Variants in RFX4 observed in about 807,000 individuals in gnomAD.
The protein encoded by RFX4 is transcription factor RFX4.
A neutral mutation model predicts 95.0 loss-of-function variants in RFX4; 10 were observed. The observed-to-expected ratio is 0.11, with a 90% CI of 0.06 to 0.18. RFX4 has a LOEUF of 0.18. Ranked by LOEUF, RFX4 falls within the 10% of genes least tolerant of loss-of-function variation. RFX4 has a pLI of 1.00. For synonymous variants in RFX4, 321 were observed against 340.7 expected (o/e 0.94, Z 0.64); for missense variants, 640 against 922.0 (o/e 0.69, Z 3.96).
Position 106,608,863 on chromosome 12 carries a change from G to A in RFX4, c.110G>A (p.Gly37Glu). Reference protein sequence around the residue: ...NKRYSSHTSLGNVSNDENEEK... With the variant: ...NKRYSSHTSLENVSNDENEEK... ...CGTTATTCCAGCCACACATCTCTGG[G>A]GAATGTTTCTAATGATGAAAGTAAG... is the stretch of plus-strand genomic sequence containing the variant. The change falls in exon 2 of 18, where the codon GGG becomes GAG. Residue 37 changes from glycine to glutamate, a missense_variant. Transcript: ENST00000392842. 6.2e-7 allele frequency: 1 copy of A among 1,612,086 alleles called. No homozygotes were observed. Among genetic ancestry groups the A allele is most frequent in the East Asian group, 2.2e-5 (1 of 44,822 alleles).
At chr12:106,748,888 C>A (rs1221428745) in intron 16 of RFX4, among the ~76,000 whole-genome samples, 1 of 152,094 alleles carries the variant, frequency 6.6e-6, no homozygotes, top group African/African-American at 2.4e-5. Context: ...AGATCGAAAT[C>A]ATCCTGGCGA....
intron 17 of RFX4, 120 bp downstream of exon 17, chr12:106,750,913 G>C (rs949290608): frequency 3.8e-6 from 3 of 781,168 alleles, no homozygotes; most frequent in Non-Finnish European, 5.3e-6. Flanking sequence ...CCCAAGGAGA[G>C]GACAGTCTTT....
chr12:106,682,195 T>C (rs1565977098), intron 5 of RFX4, 141 bp downstream of exon 5: 2 of 808,126 alleles, frequency 2.5e-6, no homozygotes, highest in African/African-American at 3.4e-5. Flanking sequence ...AAGAGCTTTA[T>C]GACGGCCAGG....
chr12:106,645,089 G>T (rs1237111178), intron 3 of RFX4, among the ~76,000 whole-genome samples: 1 of 151,010 alleles, frequency 6.6e-6, no homozygotes, highest in African/African-American at 2.4e-5. Flanking sequence ...TAATACAGCA[G>T]CCAAGCAGCC....
In RFX4 at chr12:106,606,204, A is replaced by C. The variant is rs144413604; in HGVS notation, c.44-2593A>C. On this transcript the variant is annotated intron_variant, in intron 1 of 17. Coordinates refer to ENST00000392842, the MANE Select transcript of RFX4 (RefSeq NM_213594.3). ...TATCAGGCCTGAATCCAGTGCAGGC[A>C]AATGGGTGAGAGGGAGAGTGTTTCC... Among the ~76,000 whole-genome samples the C allele has an allele frequency of 3.0e-3, 459 of 152,300 alleles. 1 individual carries two copies. The highest frequency in any genetic ancestry group is 0.01 in the African/African-American group (436 of 41,562).
rs559369362 is a variant in RFX4 at position 106,634,200 on chromosome 12, C to T, written c.131-5132C>T. ...CATTACTTTTGTGAATATAAAGCAACGTTATTTTTTAAAAACCTCAACCAT... is the reference window on the plus strand; with the variant it reads ...CATTACTTTTGTGAATATAAAGCAATGTTATTTTTTAAAAACCTCAACCAT... On this transcript the variant is annotated intron_variant, in intron 2 of 17. Transcript: ENST00000392842. 4.0e-4 allele frequency among the ~76,000 whole-genome samples: 61 copies of T among 152,234 alleles called. 2 individuals are homozygous for T. The South Asian group carries it at 0.011, about 28-fold the overall frequency.
intron 2 of RFX4, among the ~76,000 whole-genome samples, chr12:106,622,624 T>C (rs866979523): frequency 0.052 from 3,959 of 75,462 alleles, 147 homozygotes; most frequent in African/African-American, 0.2. Context: ...CAAGCTGCAT[T>C]TTTTTTTTTT....
intron 13 of RFX4, among the ~76,000 whole-genome samples, chr12:106,722,297 C>T (rs2042411056): frequency 6.6e-6 from 1 of 152,194 alleles, no homozygotes; most frequent in Admixed American, 6.5e-5. Flanking sequence ...TATCCACATC[C>T]ACACAGCGAG....
chr12:106,676,535 A>G (rs1415225910), intron 4 of RFX4, among the ~76,000 whole-genome samples: 1 of 152,208 alleles, frequency 6.6e-6, no homozygotes, highest in Non-Finnish European at 1.5e-5. Context: ...TTATGCAAAT[A>G]ATGATTTTTG....
chr12:106,741,591 C>T (rs187205576), intron 15 of RFX4, among the ~76,000 whole-genome samples: 4 of 152,196 alleles, frequency 2.6e-5, no homozygotes, highest in Admixed American at 6.5e-5. Flanking sequence ...TCAATAGCCA[C>T]GAGTGGCTAT....
chr12:106,632,124 C>T (rs993381439), intron 2 of RFX4, among the ~76,000 whole-genome samples: 11 of 152,112 alleles, frequency 7.2e-5, no homozygotes, highest in Non-Finnish European at 7.3e-5. Flanking sequence ...AAATTTGGCC[C>T]CAGAGTTTAT....
At chr12:106,589,878 T>C (rs979020305) in intron 1 of RFX4, among the ~76,000 whole-genome samples, 21 of 152,210 alleles carry the variant, frequency 1.4e-4, no homozygotes, top group Non-Finnish European at 2.5e-4. Flanking sequence ...ATCACAGCGG[T>C]TGAGTAGAGA....
rs896494167 is a variant in RFX4, at chr12:106,712,325, G to T, written c.993+814G>T. Among the ~76,000 whole-genome samples the T allele has an allele frequency of 1.7e-4, 26 of 152,302 alleles. 1 individual carries two copies. Among genetic ancestry groups the T allele is most frequent in the African/African-American group, 6.0e-4 (25 of 41,570 alleles). ...TTCAAGGGCTGACAACTTGCTCCCAGAGTCCCATTTCCCCAGGGCAGCTGT... is the reference window on the plus strand; with the variant it reads ...TTCAAGGGCTGACAACTTGCTCCCATAGTCCCATTTCCCCAGGGCAGCTGT... On this transcript the variant is annotated intron_variant, in intron 10 of 17. Transcript: ENST00000392842.
chr12:106,654,965 G>A (rs1565966345), intron 4 of RFX4, among the ~76,000 whole-genome samples: 1 of 152,152 alleles, frequency 6.6e-6, no homozygotes, highest in African/African-American at 2.4e-5. Context: ...CCCAATTTGA[G>A]TCAATACATC....
chr12:106,709,639 G>A (rs1216721870), intron 9 of RFX4, among the ~76,000 whole-genome samples: 2 of 145,302 alleles, frequency 1.4e-5, no homozygotes, highest in Non-Finnish European at 3.1e-5. Context: ...TACAGAAGAG[G>A]AATCAACTTA....
intron 2 of RFX4, among the ~76,000 whole-genome samples, chr12:106,626,178 A>G (rs1439300956): frequency 6.6e-6 from 1 of 152,232 alleles, no homozygotes; most frequent in Non-Finnish European, 1.5e-5. Context: ...GGAATGCAGT[A>G]TTTCAGGCCC....
chr12:106,701,848 C>G (rs2041997634), intron 8 of RFX4, among the ~76,000 whole-genome samples: 1 of 152,090 alleles, frequency 6.6e-6, no homozygotes, highest in Admixed American at 6.5e-5. Context: ...ATAGCAAGAT[C>G]CTGTCTCTAC....
intron 2 of RFX4, among the ~76,000 whole-genome samples, chr12:106,623,127 C>T (rs553220037): frequency 6.6e-6 from 1 of 151,048 alleles, no homozygotes; most frequent in Admixed American, 6.6e-5. Flanking sequence ...CAAGCTCCGC[C>T]TCCCGGGTTC....
At chr12:106,699,335 G>T (rs1303984572) in intron 8 of RFX4, among the ~76,000 whole-genome samples, 1 of 151,954 alleles carries the variant, frequency 6.6e-6, no homozygotes, top group Non-Finnish European at 1.5e-5. Context: ...GTGGCCTATT[G>T]GTGAATGTTC....
Sources: allele counts gnomAD v4.1 joint callset (sites outside exome capture counted in the v4.1 genomes callset), GRCh38; gene constraint gnomAD v4.1.1; transcripts MANE v1.5; gene names NCBI Gene and HGNC (gene_info 2026-07-23, HGNC 2026-07-21).